Variants in TRERF1 observed in about 807,000 individuals in gnomAD.
TRERF1 encodes transcriptional-regulating factor 1.
In TRERF1, 27 loss-of-function variants were observed where a neutral mutation model predicts 122.9. That is an observed-to-expected ratio of 0.22 (90% CI 0.16 to 0.30). The LOEUF (loss-of-function observed/expected upper bound fraction) is 0.30. Ranked by LOEUF, TRERF1 falls within the 10% of genes least tolerant of loss-of-function variation. The pLI is 1.00. For missense variants in TRERF1, 1,248 were observed against 1,560.3 expected, an observed-to-expected ratio of 0.80 and a Z score of 3.37; for synonymous variants, 636 against 641.7, an observed-to-expected ratio of 0.99 and a Z score of 0.13.
At chr6:42,371,922 C>G (rs112958350) in intron 2 of TRERF1, among the ~76,000 whole-genome samples, 3 of 152,322 alleles carry the variant, frequency 2.0e-5, no homozygotes, top group Non-Finnish European at 4.4e-5. Context: ...TGGCTCATCC[C>G]TGTAATCTCA....
chr6:42,233,062 A>G, intron 16 of TRERF1, 134 bp from the exon 17 acceptor site: 1 of 910,060 alleles, frequency 1.1e-6, no homozygotes, highest in Non-Finnish European at 1.6e-6. Context: ...ATCAAATACC[A>G]CAACCACAGA....
At chr6:42,264,774 T>C in exon 7 of TRERF1, 1 of 1,614,244 alleles carries the variant, frequency 6.2e-7, no homozygotes, top group Non-Finnish European at 8.5e-7. Context: ...AGGCAGGTTC[T>C]TGAACTCCTT....
chr6:42,312,023 G>A (rs1049900814), intron 3 of TRERF1, among the ~76,000 whole-genome samples: 32 of 152,208 alleles, frequency 2.1e-4, no homozygotes, highest in African/African-American at 7.7e-4. Flanking sequence ...ACCAGGCATC[G>A]CATTCCAGCT....
chr6:42,274,343 G>T (rs1315007757), intron 4 of TRERF1, among the ~76,000 whole-genome samples: 1 of 152,162 alleles, frequency 6.6e-6, no homozygotes, highest in Non-Finnish European at 1.5e-5. Context: ...TCTGGGCCTA[G>T]AACAGTGCCT....
chr6:42,398,863 T>C (rs1054428018), intron 2 of TRERF1, among the ~76,000 whole-genome samples: 16 of 152,250 alleles, frequency 1.1e-4, no homozygotes, highest in African/African-American at 3.9e-4. Context: ...AAGGAGATCA[T>C]GCACTGCTAG....
rs553318338 is a variant in TRERF1 at position 42,449,636 on chromosome 6, A to G, written c.-454+1541T>C. Among the ~76,000 whole-genome samples, 15 of 152,358 alleles carry G rather than the reference A, an allele frequency of 9.8e-5. 1 individual carries two copies. Among genetic ancestry groups the G allele is most frequent in the Admixed American group, 9.1e-4 (14 of 15,306 alleles). On this transcript the variant is annotated intron_variant, in intron 2 of 17. Coordinates refer to ENST00000372922, the Ensembl canonical transcript of TRERF1. Reference sequence around the variant, plus strand: ...ACATAAAGATTTTGTTTACCCTCCCAGCAAATACAACAACCAGACTCAGAT... The same window carrying G: ...ACATAAAGATTTTGTTTACCCTCCCGGCAAATACAACAACCAGACTCAGAT...
chr6:42,389,443 A>G (rs1254079400), intron 2 of TRERF1, among the ~76,000 whole-genome samples: 1 of 152,234 alleles, frequency 6.6e-6, no homozygotes, highest in Non-Finnish European at 1.5e-5. Context: ...AAGAGGCAGG[A>G]CACTGCTCCA....
intron 3 of TRERF1, among the ~76,000 whole-genome samples, chr6:42,314,246 A>G (rs1450558659): frequency 6.6e-6 from 1 of 152,242 alleles, no homozygotes; most frequent in Non-Finnish European, 1.5e-5. Flanking sequence ...GATGCCAGTA[A>G]AAAGAACTAT....
intron 3 of TRERF1, among the ~76,000 whole-genome samples, chr6:42,348,188 T>TAC (rs34917741): frequency 0.11 from 16,252 of 151,802 alleles, 1,419 homozygotes; most frequent in African/African-American, 0.24. Context: ...TGTATAAACA[T>TAC]ACACACACAC....
intron 2 of TRERF1, among the ~76,000 whole-genome samples, chr6:42,375,405 C>T (rs1345824166): frequency 6.6e-6 from 1 of 152,234 alleles, no homozygotes; most frequent in African/African-American, 2.4e-5. Flanking sequence ...TTTATCCACA[C>T]AAATGCTAGT....
At chr6:42,305,480 G>C (rs1787039224) in intron 3 of TRERF1, among the ~76,000 whole-genome samples, 1 of 152,160 alleles carries the variant, frequency 6.6e-6, no homozygotes, top group African/African-American at 2.4e-5. Flanking sequence ...CTTAGGGAAG[G>C]AAGAAATTAA....
At chr6:42,302,377 C>T (rs1048793836) in intron 3 of TRERF1, among the ~76,000 whole-genome samples, 1 of 152,152 alleles carries the variant, frequency 6.6e-6, no homozygotes, top group East Asian at 1.9e-4. Context: ...AGAGAAAGTG[C>T]TCATTCTTCT....
At chr6:42,392,919 CAT>C (rs1456574698) in intron 2 of TRERF1, among the ~76,000 whole-genome samples, 3 of 46,236 alleles carry the variant, frequency 6.5e-5, no homozygotes, top group African/African-American at 1.7e-4. Flanking sequence ...CACACACACA[CAT>C]ACACACACAT....
At chr6:42,430,342 C>A (rs1784305489) in intron 2 of TRERF1, among the ~76,000 whole-genome samples, 1 of 152,178 alleles carries the variant, frequency 6.6e-6, no homozygotes, top group South Asian at 2.1e-4. Context: ...ACCGGCAAGT[C>A]CCACACCTAC....
At chr6:42,247,556 G>A (rs1775021975) in intron 13 of TRERF1, among the ~76,000 whole-genome samples, 1 of 152,160 alleles carries the variant, frequency 6.6e-6, no homozygotes, top group South Asian at 2.1e-4. Context: ...GAGGTGAGTG[G>A]AGCCAGTTCT....
intron 2 of TRERF1, among the ~76,000 whole-genome samples, chr6:42,376,764 A>G (rs921216514): frequency 1.3e-5 from 2 of 151,574 alleles, no homozygotes; most frequent in Non-Finnish European, 2.9e-5. Context: ...GATGGTCTCA[A>G]TCTCTTGACC....
intron 3 of TRERF1, among the ~76,000 whole-genome samples, chr6:42,336,015 T>C: frequency 6.6e-6 from 1 of 152,210 alleles, no homozygotes; most frequent in East Asian, 1.9e-4. Flanking sequence ...GCAGTCTAGC[T>C]GGTGTGACTG....
intron 3 of TRERF1, among the ~76,000 whole-genome samples, chr6:42,327,806 A>C (rs1764549666): frequency 6.6e-6 from 1 of 152,038 alleles, no homozygotes; most frequent in African/African-American, 2.4e-5. Flanking sequence ...TAAGTGAAGG[A>C]AAGGAGTCAG....
chr6:42,242,785 A>G (rs1431093774), intron 15 of TRERF1, among the ~76,000 whole-genome samples: 1 of 152,204 alleles, frequency 6.6e-6, no homozygotes, highest in East Asian at 1.9e-4. Flanking sequence ...TCCTGGCACT[A>G]CCTAGAGGTC....
Sources: gnomAD v4.1 joint callset for allele counts (sites outside exome capture counted in the v4.1 genomes callset) on GRCh38, gnomAD v4.1.1 for gene constraint, MANE v1.5 for transcripts, NCBI Gene and HGNC (gene_info 2026-07-23, HGNC 2026-07-21) for gene names.